The following RANBP17 variants were observed in gnomAD, a reference collection of about 807,000 sequenced individuals.
The protein encoded by RANBP17 is ran-binding protein 17.
In RANBP17, 158 loss-of-function variants were observed where a neutral mutation model predicts 141.2. That is an observed-to-expected ratio of 1.12 (90% CI 0.98 to 1.28). RANBP17 has a LOEUF of 1.28. Among genes scored for constraint, RANBP17 ranks in the 50% most tolerant of loss-of-function variants. RANBP17 has a pLI of 0.00. For synonymous variants in RANBP17, 430 were observed against 450.0 expected (o/e 0.96, Z 0.56); for missense variants, 1,438 against 1,290.7 (o/e 1.11, Z -1.75).
chr5:171,002,598 A>G (rs942304405), intron 14 of RANBP17, among the ~76,000 whole-genome samples: 40 of 152,316 alleles, frequency 2.6e-4, no homozygotes, highest in Non-Finnish European at 4.7e-4. Context: ...AAATATTGAC[A>G]CATAGTCCCT....
At chr5:171,118,753 T>G (rs1755817325) in intron 14 of RANBP17, among the ~76,000 whole-genome samples, 1 of 152,238 alleles carries the variant, frequency 6.6e-6, no homozygotes, top group South Asian at 2.1e-4. Context: ...GAAATGCTAC[T>G]GATTTTTGTA....
chr5:170,980,896 C>A, intron 14 of RANBP17, among the ~76,000 whole-genome samples: 1 of 152,150 alleles, frequency 6.6e-6, no homozygotes, highest in East Asian at 1.9e-4. Context: ...TTGCACTGTT[C>A]ACCTGGAAAA....
chr5:171,127,720 A>G (rs1756585344), intron 14 of RANBP17, among the ~76,000 whole-genome samples: 1 of 152,232 alleles, frequency 6.6e-6, no homozygotes, highest in African/African-American at 2.4e-5. Flanking sequence ...AATGCTGAAA[A>G]AGATGAGGTG....
chr5:170,947,641 C>T (rs563649303), intron 12 of RANBP17, among the ~76,000 whole-genome samples: 2 of 152,200 alleles, frequency 1.3e-5, no homozygotes, highest in East Asian at 3.9e-4. Context: ...AATCAGATGA[C>T]AGCTGGGGCT....
chr5:171,185,924 C>A (rs904499594), intron 18 of RANBP17, among the ~76,000 whole-genome samples: 1 of 152,196 alleles, frequency 6.6e-6, no homozygotes. Flanking sequence ...TAGAGCCTTA[C>A]AAAATCTTTT....
At chr5:171,257,862 T>A (rs923640626) in intron 24 of RANBP17, among the ~76,000 whole-genome samples, 1 of 151,838 alleles carries the variant, frequency 6.6e-6, no homozygotes, top group East Asian at 1.9e-4. Flanking sequence ...TCCCAGCATT[T>A]TGGGAGGCTG....
chr5:170,911,365 A>G (rs1771512530), intron 7 of RANBP17: 1 of 576,992 alleles, frequency 1.7e-6, no homozygotes, highest in East Asian at 2.9e-5. Flanking sequence ...ACTGCACTAG[A>G]GCTAAATGGA....
chr5:170,991,601 A>G (rs1778515639), intron 14 of RANBP17, among the ~76,000 whole-genome samples: 2 of 152,034 alleles, frequency 1.3e-5, no homozygotes, highest in East Asian at 3.9e-4. Context: ...CATCAGATAG[A>G]TCTCCAGCCA....
intron 14 of RANBP17, among the ~76,000 whole-genome samples, chr5:171,037,066 A>C (rs1323519174): frequency 6.6e-6 from 1 of 152,172 alleles, no homozygotes; most frequent in Non-Finnish European, 1.5e-5. Context: ...ACAGTGTATA[A>C]GCGTTCCCTT....
At chr5:170,938,343 A>G (rs1774055755) in intron 12 of RANBP17, among the ~76,000 whole-genome samples, 1 of 152,234 alleles carries the variant, frequency 6.6e-6, no homozygotes, top group Non-Finnish European at 1.5e-5. Flanking sequence ...CAAAGGATCA[A>G]CCATAATTTA....
intron 14 of RANBP17, among the ~76,000 whole-genome samples, chr5:171,113,090 C>A (rs1561667531): frequency 2.0e-5 from 3 of 152,100 alleles, no homozygotes; most frequent in African/African-American, 7.2e-5. Flanking sequence ...AGCATGTGTA[C>A]AGCATAATTG....
At chr5:170,943,550 C>G (rs777063796) in intron 12 of RANBP17, among the ~76,000 whole-genome samples, 1 of 151,920 alleles carries the variant, frequency 6.6e-6, no homozygotes, top group Non-Finnish European at 1.5e-5. Context: ...GTTTGAACAG[C>G]TGCTAAAACA....
At chr5:170,894,482 TTTTTTATATA>T (rs1190976745) in intron 4 of RANBP17, among the ~76,000 whole-genome samples, 1 of 38,536 alleles carries the variant, frequency 2.6e-5, no homozygotes, top group Non-Finnish European at 5.3e-5. Flanking sequence ...TTAGTACGTG[TTTTTTATATA>T]TATATATATA....
At chr5:170,924,171 T>C (rs534753277) in intron 11 of RANBP17, among the ~76,000 whole-genome samples, 186 bp from the exon 12 acceptor site, 1 of 152,204 alleles carries the variant, frequency 6.6e-6, no homozygotes, top group Non-Finnish European at 1.5e-5. Context: ...CTAACTTTTG[T>C]ATTTTTAGAG....
intron 22 of RANBP17, among the ~76,000 whole-genome samples, chr5:171,226,976 A>C (rs1421682905): frequency 6.6e-6 from 1 of 152,136 alleles, no homozygotes; most frequent in East Asian, 1.9e-4. Flanking sequence ...CATATTAATA[A>C]ATGTGTATTC....
chr5:171,272,902 C>T (rs1298630191), intron 25 of RANBP17, among the ~76,000 whole-genome samples: 3 of 152,154 alleles, frequency 2.0e-5, no homozygotes, highest in Non-Finnish European at 2.9e-5. Flanking sequence ...ACAGACCTAA[C>T]CAAGCTTCCA....
intron 19 of RANBP17, among the ~76,000 whole-genome samples, chr5:171,201,890 AG>A (rs1273998687): frequency 6.6e-6 from 1 of 152,232 alleles, no homozygotes; most frequent in African/African-American, 2.4e-5. Flanking sequence ...CAAGTACTAG[AG>A]ATAAAAACAT....
intron 14 of RANBP17, among the ~76,000 whole-genome samples, chr5:171,128,563 T>C (rs950055053): frequency 1.3e-5 from 2 of 152,152 alleles, no homozygotes; most frequent in African/African-American, 2.4e-5. Context: ...AACTTAGTTA[T>C]ATAAAGGCAT....
chr5:170,963,618 A>G (rs1354362198), intron 13 of RANBP17, among the ~76,000 whole-genome samples: 19 of 152,112 alleles, frequency 1.2e-4, no homozygotes, highest in Admixed American at 1.2e-3. Context: ...AGAGCACACA[A>G]CCTAGATCCC....
Sources: allele counts gnomAD v4.1 joint callset (sites outside exome capture counted in the v4.1 genomes callset), GRCh38; gene constraint gnomAD v4.1.1; transcripts MANE v1.5; gene names NCBI Gene and HGNC (gene_info 2026-07-23, HGNC 2026-07-21).